The following RBM26 variants were observed in gnomAD, a reference collection of about 807,000 sequenced individuals.
RBM26 encodes the protein RNA binding motif protein 26.
Under a neutral mutation model 123.6 loss-of-function variants are expected in RBM26, and 30 were observed. The observed-to-expected ratio is 0.24, with a 90% CI of 0.18 to 0.33. The LOEUF (loss-of-function observed/expected upper bound fraction) is 0.33. RBM26 is among the 10% of genes least tolerant of loss of function. RBM26 has a pLI of 1.00. For synonymous variants in RBM26, 400 were observed against 404.4 expected (o/e 0.99, Z 0.13); for missense variants, 947 against 1,203.6 (o/e 0.79, Z 3.15).
chr13:79,349,507 C>A (rs1300922519), intron 14 of RBM26, among the ~76,000 whole-genome samples: 2 of 151,790 alleles, frequency 1.3e-5, no homozygotes, highest in African/African-American at 4.8e-5. Context: ...ATATGTACAG[C>A]TAGTAATGAA....
Position 79,319,563 on chromosome 13 carries a change from A to G in RBM26, c.*1058T>C. On this transcript the variant is annotated 3_prime_UTR_variant, in exon 22 of 22. Transcript: ENST00000438737. ...ACAGTGTTTTCCTAAAGTAGTATCT[A>G]TAGTACATTTCTTTATTCATATATC... 1.0e-6 allele frequency: 1 copy of G among 981,366 alleles called. No homozygotes were observed. Among genetic ancestry groups the G allele is most frequent in the Non-Finnish European group, 1.2e-6 (1 of 826,424 alleles). The allele number at this position is 981,366 out of a possible 1,614,324, so 60.8% of individuals were successfully genotyped here.
In RBM26 at chr13:79,359,632, T is replaced by C; in HGVS notation, c.1472A>G (p.Lys491Arg). 1 of 1,601,524 alleles carries C rather than the reference T, an allele frequency of 6.2e-7. No individual in the cohort carries two copies. Among genetic ancestry groups the C allele is most frequent in the Non-Finnish European group, 8.5e-7 (1 of 1,174,950 alleles). The change falls in exon 10 of 22, where the codon AAA (lysine) becomes AGA (arginine). Residue 491 changes from lysine (K) to arginine (R), a missense_variant. Physicochemically the swap from Lys to Arg is conservative, Grantham distance 26. This residue lies in a region of RBM26 where 493 missense variants were observed against 563.1 expected (regional missense o/e 0.88). Coordinates refer to ENST00000438737, the MANE Select transcript of RBM26 (RefSeq NM_001366735.2). Reference sequence around the variant, plus strand: ...AGGCTCTCCAGAACCAATGGTTCTTTTCCTTGATTCTGAGTCCACTACTAT... The same window carrying C: ...AGGCTCTCCAGAACCAATGGTTCTTCTCCTTGATTCTGAGTCCACTACTAT... Reference protein sequence around the residue: ...MRIVVDSESRKRTIGSGEPGV... With the variant: ...MRIVVDSESRRRTIGSGEPGV...
At chr13:79,369,076 A>G (rs1381157471) in intron 5 of RBM26, 86 bp from the exon 6 acceptor site, 3 of 829,930 alleles carry the variant, frequency 3.6e-6, no homozygotes, top group Non-Finnish European at 5.1e-6. Context: ...ATATTTTTAT[A>G]AACATAGAAA....
intron 13 of RBM26, among the ~76,000 whole-genome samples, chr13:79,353,617 A>G (rs2073575480): frequency 6.6e-6 from 1 of 152,158 alleles, no homozygotes; most frequent in Non-Finnish European, 1.5e-5. Context: ...GTATTTGGTG[A>G]TAATTTGGGA....
intron 20 of RBM26, among the ~76,000 whole-genome samples, chr13:79,329,519 C>T (rs974240197): frequency 6.6e-6 from 1 of 151,906 alleles, no homozygotes; most frequent in Non-Finnish European, 1.5e-5. Context: ...CTGGAAGAGA[C>T]AGTGTTTAAA....
downstream of RBM26, among the ~76,000 whole-genome samples, chr13:79,316,505 C>A (rs886365851): frequency 6.6e-6 from 1 of 151,740 alleles, no homozygotes; most frequent in Non-Finnish European, 1.5e-5. Context: ...TAAACTTAGC[C>A]ACACTTTCTA....
At chr13:79,369,838 T>C (rs927765173) in intron 5 of RBM26, among the ~76,000 whole-genome samples, 3 of 152,186 alleles carry the variant, frequency 2.0e-5, no homozygotes, top group African/African-American at 7.2e-5. Flanking sequence ...TTAAACTGTA[T>C]AAGTTTTAAT....
chr13:79,380,053 T>C (rs1013820419), intron 1 of RBM26, among the ~76,000 whole-genome samples: 6 of 152,200 alleles, frequency 3.9e-5, no homozygotes, highest in Non-Finnish European at 5.9e-5. Context: ...TGGTAGCTGA[T>C]AGAATACTCT....
In RBM26 at chr13:79,319,365, T is replaced by C; in HGVS notation, c.*1256A>G. On this transcript the variant is annotated 3_prime_UTR_variant, in exon 22 of 22. Transcript: ENST00000438737. ...ATAAATATGTAATCTCCCACCCCCA[T>C]TCTACAAAGAATGCATTTATTTCCT... 1.0e-6 allele frequency: 1 copy of C among 984,224 alleles called. No individual in the cohort carries two copies. The highest frequency in any genetic ancestry group is 1.2e-6 in the Non-Finnish European group (1 of 829,044). 61.0% of individuals were successfully genotyped at this position (984,224 alleles called of 1,614,324 possible).
At chr13:79,387,776 TC>T (rs1367334393) in intron 1 of RBM26, among the ~76,000 whole-genome samples, 1 of 152,190 alleles carries the variant, frequency 6.6e-6, no homozygotes, top group African/African-American at 2.4e-5. Flanking sequence ...GAATCCCATT[TC>T]CTCAGCACTC....
chr13:79,374,741 C>G (rs1174537199), intron 3 of RBM26, among the ~76,000 whole-genome samples: 1 of 152,020 alleles, frequency 6.6e-6, no homozygotes, highest in African/African-American at 2.4e-5. Flanking sequence ...AGTTATCTAA[C>G]AGATCACCAT....
chr13:79,334,874 A>C (rs2070058072), intron 19 of RBM26, among the ~76,000 whole-genome samples: 1 of 152,140 alleles, frequency 6.6e-6, no homozygotes, highest in South Asian at 2.1e-4. Context: ...TAACTTCCCC[A>C]AAGTTAATTG....
At chr13:79,346,380 T>C (rs1396631128) in intron 14 of RBM26, among the ~76,000 whole-genome samples, 1 of 152,136 alleles carries the variant, frequency 6.6e-6, no homozygotes, top group Admixed American at 6.5e-5. Flanking sequence ...TAAAATTTGA[T>C]CAATTATTAT....
intron 8 of RBM26, 165 bp downstream of exon 8, chr13:79,365,890 T>C (rs2075215636): frequency 1.0e-6 from 1 of 972,632 alleles, no homozygotes; most frequent in Non-Finnish European, 1.5e-6. Flanking sequence ...GAAAATGTTT[T>C]TTTGAAAACA....
At chr13:79,365,472 C>T in intron 9 of RBM26, 106 bp downstream of exon 9, 1 of 879,540 alleles carries the variant, frequency 1.1e-6, no homozygotes, top group East Asian at 2.4e-5. Flanking sequence ...AATAAATCAC[C>T]ATTCCTTATC....
intron 19 of RBM26, among the ~76,000 whole-genome samples, chr13:79,336,696 CTT>C (rs1457299981): frequency 6.6e-6 from 1 of 152,180 alleles, no homozygotes; most frequent in East Asian, 1.9e-4. Flanking sequence ...AAAATTTTAT[CTT>C]GTTTCAATAC....
intron 18 of RBM26, among the ~76,000 whole-genome samples, chr13:79,340,081 A>G (rs1428575080): frequency 6.6e-6 from 1 of 152,094 alleles, no homozygotes; most frequent in African/African-American, 2.4e-5. Context: ...TGTTTCAAAG[A>G]TTCCACCAAC....
chr13:79,311,934 C>T (rs1352514867), exon 5 of RBM26: 1 of 151,660 alleles, frequency 6.6e-6, no homozygotes, highest in Non-Finnish European at 1.5e-5. Context: ...ATGTTGACAA[C>T]CCCACATAAA....
At chr13:79,380,919 G>C (rs369369504) in intron 1 of RBM26, among the ~76,000 whole-genome samples, 1 of 151,986 alleles carries the variant, frequency 6.6e-6, no homozygotes, top group South Asian at 2.1e-4. Context: ...ATGTCAGGAC[G>C]GGAAATTTTT....
Sources: allele counts gnomAD v4.1 joint callset (sites outside exome capture counted in the v4.1 genomes callset), GRCh38; gene constraint gnomAD v4.1.1; regional missense constraint gnomAD v4.1.1; transcripts MANE v1.5; gene names NCBI Gene and HGNC (gene_info 2026-07-23, HGNC 2026-07-21).